Variants in SNX16 observed in about 807,000 individuals in gnomAD.
SNX16 encodes sorting nexin-16.
SNX16 carries 35 observed loss-of-function variants against 36.7 expected under a neutral mutation model. The observed-to-expected ratio is 0.95, with a 90% CI of 0.73 to 1.27. The LOEUF (loss-of-function observed/expected upper bound fraction) is 1.27. SNX16 is among the 50% of genes most tolerant of loss of function. The pLI, the probability that SNX16 is intolerant of heterozygous loss-of-function variation, is 0.00. For missense variants in SNX16, 367 were observed against 393.6 expected (o/e 0.93, Z 0.57); for synonymous variants, 134 against 132.0 (o/e 1.02, Z -0.10).
chr8:81,808,328 G>A (rs1236018026), intron 5 of SNX16: 2 of 1,269,698 alleles, frequency 1.6e-6, no homozygotes, highest in African/African-American at 1.5e-5. Flanking sequence ...AGCAAGAGAT[G>A]GCTAGTGCTT....
chr8:81,814,089 A>G (rs2130651372), intron 5 of SNX16, among the ~76,000 whole-genome samples: 1 of 152,206 alleles, frequency 6.6e-6, no homozygotes, highest in African/African-American at 2.4e-5. Context: ...CATGAGAAAT[A>G]AAGCCATATG....
At chr8:81,809,950 T>A (rs1173198832) in intron 5 of SNX16, among the ~76,000 whole-genome samples, 1 of 152,196 alleles carries the variant, frequency 6.6e-6, no homozygotes, top group African/African-American at 2.4e-5. Context: ...GAAGGCTATA[T>A]TGATATAAAT....
chr8:81,802,549 T>C, intron 6 of SNX16, 50 bp from the exon 7 acceptor site: 1 of 1,533,182 alleles, frequency 6.5e-7, no homozygotes, highest in Non-Finnish European at 8.9e-7. Context: ...AAAACAGGCA[T>C]ATGTTTAATG....
intron 2 of SNX16, among the ~76,000 whole-genome samples, chr8:81,830,525 T>G (rs888170030): frequency 6.8e-6 from 1 of 147,792 alleles, no homozygotes; most frequent in African/African-American, 2.5e-5. Context: ...GAGCTGACAT[T>G]GCACCACTGC....
chr8:81,822,104 C>T (rs2130698404), intron 4 of SNX16, among the ~76,000 whole-genome samples: 1 of 151,960 alleles, frequency 6.6e-6, no homozygotes, highest in South Asian at 2.1e-4. Flanking sequence ...AGCATCAGAG[C>T]CAGTTGAGAA....
chr8:81,811,590 G>A (rs1810254394), intron 5 of SNX16, among the ~76,000 whole-genome samples: 1 of 152,070 alleles, frequency 6.6e-6, no homozygotes, highest in South Asian at 2.1e-4. Context: ...AAAAAACACT[G>A]AGAAAAGACA....
chr8:81,801,888 A>G (rs1809713276), intron 7 of SNX16, among the ~76,000 whole-genome samples: 1 of 151,730 alleles, frequency 6.6e-6, no homozygotes, highest in Non-Finnish European at 1.5e-5. Context: ...TTTTCTCAGA[A>G]TTATAGTTGA....
chr8:81,806,616 G>C (rs1422877723), intron 5 of SNX16, among the ~76,000 whole-genome samples: 2 of 152,090 alleles, frequency 1.3e-5, no homozygotes, highest in Non-Finnish European at 1.5e-5. Context: ...ATTAAAGTTA[G>C]GATGAAAGGA....
intron 5 of SNX16, chr8:81,808,650 C>A: frequency 1.1e-6 from 1 of 948,236 alleles, no homozygotes; most frequent in Non-Finnish European, 1.7e-6. Context: ...TGGTGGAGGC[C>A]AATACTTTGC....
In SNX16 at chr8:81,829,519, A is replaced by G; in HGVS notation, c.376-3T>C. On this transcript the variant is annotated splice_region_variant and splice_polypyrimidine_tract_variant and intron_variant, in intron 2 of 7. Transcript: ENST00000345957. ...TTCTTTACTAGTATTTTATATACCTATGCACAGGAAGAAAAACAGACGGAG... is the reference window on the plus strand; with the variant it reads ...TTCTTTACTAGTATTTTATATACCTGTGCACAGGAAGAAAAACAGACGGAG... 7.8e-7 allele frequency: 1 copy of G among 1,288,528 alleles called. No individual in the cohort carries two copies. The highest frequency in any genetic ancestry group is 1.0e-6 in the Non-Finnish European group (1 of 971,040). 79.8% of individuals were successfully genotyped at this position (1,288,528 alleles called of 1,614,324 possible).
intron 4 of SNX16, among the ~76,000 whole-genome samples, chr8:81,819,964 T>C (rs927871755): frequency 1.3e-5 from 2 of 152,040 alleles, no homozygotes; most frequent in African/African-American, 4.8e-5. Flanking sequence ...AGCCTTGTTG[T>C]AAGGTGCTAA....
In SNX16 at chr8:81,833,977, C is replaced by T. The variant is rs187019152; in HGVS notation, c.376-4461G>A. ...ATACAAAAAGTGTGCAATTCATAAGCGTACAACTTGACAAATTTCACAAAA... is the reference window on the plus strand; with the variant it reads ...ATACAAAAAGTGTGCAATTCATAAGTGTACAACTTGACAAATTTCACAAAA... On this transcript the variant is annotated intron_variant, in intron 2 of 7. Coordinates refer to ENST00000345957, the MANE Select transcript of SNX16 (RefSeq NM_152836.3). Among the ~76,000 whole-genome samples, 50 of 152,238 alleles carry T rather than the reference C, an allele frequency of 3.3e-4. No homozygotes were observed. The East Asian group carries it at 6.0e-3, about 18-fold the overall frequency.
In SNX16 at chr8:81,839,834, A is replaced by G; in HGVS notation, c.153T>C (p.Asn51=). ...KGQLEDSNMG[N]FKQTSVPDQM... ...GATCAGGAACACTTGTCTGTTTAAA[A>G]TTACCCATATTTGAGTCTTCTAACT... is the stretch of plus-strand genomic sequence containing the variant. Residue 51 remains asparagine, a synonymous_variant, in exon 2 of 8, where the codon AAT becomes AAC. Transcript: ENST00000345957. The G allele has an allele frequency of 1.2e-6, 2 of 1,613,776 alleles. No individual in the cohort carries two copies. The highest frequency in any genetic ancestry group is 1.3e-5 in the African/African-American group (1 of 75,046).
intron 3 of SNX16, 145 bp downstream of exon 3, chr8:81,829,285 A>AT (rs1218928040): frequency 2.3e-5 from 7 of 306,666 alleles, no homozygotes; most frequent in South Asian, 1.0e-4. Context: ...AAAAATTTTT[A>AT]TTTTAAAAAT....
At chr8:81,818,710 C>T (rs1810601315) in intron 4 of SNX16, among the ~76,000 whole-genome samples, 2 of 152,082 alleles carry the variant, frequency 1.3e-5, no homozygotes, top group Non-Finnish European at 2.9e-5. Context: ...GTTAGCCTTG[C>T]TATTCAAAAT....
chr8:81,839,916 T>G lies in SNX16; in HGVS notation c.71A>C (p.Asn24Thr). 6.2e-7 allele frequency: 1 copy of G among 1,613,972 alleles called. No homozygotes were observed. Among genetic ancestry groups the G allele is most frequent in the Non-Finnish European group, 8.5e-7 (1 of 1,179,900 alleles). ...ACTGCCAAAAGAAGAACTTCTTTGATTTCTGTTTGTTGTAAAACTGGAAGC... is the reference window on the plus strand; with the variant it reads ...ACTGCCAAAAGAAGAACTTCTTTGAGTTCTGTTTGTTGTAAAACTGGAAGC... ...NSASSFTTNR[N>T]QRSSSFGSVS... Residue 24 changes from asparagine (N) to threonine (T), a missense_variant, in exon 2 of 8, where the codon AAT becomes ACT. Transcript: ENST00000345957.
At chr8:81,839,047 T>C (rs984287848) in intron 2 of SNX16, among the ~76,000 whole-genome samples, 2 of 152,126 alleles carry the variant, frequency 1.3e-5, no homozygotes, top group African/African-American at 4.8e-5. Flanking sequence ...CAATGTGATA[T>C]TACTCTGTAC....
chr8:81,814,350 TA>T (rs1020933816), intron 5 of SNX16, among the ~76,000 whole-genome samples: 2 of 152,026 alleles, frequency 1.3e-5, no homozygotes, highest in African/African-American at 4.8e-5. Flanking sequence ...ACTGTATATA[TA>T]AAAGTTATGT....
chr8:81,804,585 C>T (rs1380355914), intron 5 of SNX16, among the ~76,000 whole-genome samples: 1 of 151,678 alleles, frequency 6.6e-6, no homozygotes. Context: ...GAATCAAAAG[C>T]ACAAAATAAA....
Sources: gnomAD v4.1 joint callset for allele counts (sites outside exome capture counted in the v4.1 genomes callset) on GRCh38, gnomAD v4.1.1 for gene constraint, MANE v1.5 for transcripts, NCBI Gene and HGNC (gene_info 2026-07-23, HGNC 2026-07-21) for gene names.